Variants in CAMK2N2 observed in about 807,000 individuals in gnomAD.
CAMK2N2 encodes the protein calcium/calmodulin dependent protein kinase II inhibitor 2, also known as calcium/calmodulin-dependent protein kinase II inhibitor 2.
Under a neutral mutation model 7.8 loss-of-function variants are expected in CAMK2N2, and 3 were observed. The observed-to-expected ratio is 0.38, with a 90% CI of 0.18 to 0.99. CAMK2N2 has a LOEUF of 0.99. Among genes scored for constraint, CAMK2N2 ranks in the 50% least tolerant of loss-of-function variants. The pLI, the probability that CAMK2N2 is intolerant of heterozygous loss-of-function variation, is 0.37. For missense variants in CAMK2N2, 85 were observed against 108.4 expected (o/e 0.78, Z 0.96); for synonymous variants, 45 against 46.6 (o/e 0.97, Z 0.14).
In CAMK2N2 at chr3:184,261,099, C is replaced by CGGGCCCGGGCCGCGTACCTCGCT; in HGVS notation, c.164_169+17dup. Reference sequence around the variant, plus strand: ...GGGTTTCTGGGTCAGGCGGCGACTCCGGGCCCGGGCCGCGTACCTCGCTTG... The same window carrying CGGGCCCGGGCCGCGTACCTCGCT: ...GGGTTTCTGGGTCAGGCGGCGACTCCGGGCCCGGGCCGCGTACCTCGCTGGGCCCGGGCCGCGTACCTCGCTTG... On this transcript the variant is annotated intron_variant, in intron 1 of 1. Coordinates refer to ENST00000296238, the MANE Select transcript of CAMK2N2 (RefSeq NM_033259.3). This position sits in a 1 kb window ranked among gnomAD's most constrained non-coding sequence, Gnocchi z 5.1. The CGGGCCCGGGCCGCGTACCTCGCT allele has an allele frequency of 6.3e-7, 1 of 1,588,012 alleles. No homozygotes were observed.
Position 184,260,338 on chromosome 3 carries a change from C to T in CAMK2N2, c.170-111G>A. Reference sequence around the variant, plus strand: ...GCTACTGCCCGTGGCCCAGCGACGCCCCTCGGAACCCTGTGCCGCGGTGTC... The same window carrying T: ...GCTACTGCCCGTGGCCCAGCGACGCTCCTCGGAACCCTGTGCCGCGGTGTC... On this transcript the variant is annotated intron_variant, in intron 1 of 1. Coordinates refer to ENST00000296238, the MANE Select transcript of CAMK2N2 (RefSeq NM_033259.3). This position sits in a 1 kb window ranked among gnomAD's most constrained non-coding sequence, Gnocchi z 6.6. 1 of 959,306 alleles carries T rather than the reference C, an allele frequency of 1.0e-6. No individual in the cohort carries two copies. Among genetic ancestry groups the T allele is most frequent in the Non-Finnish European group, 1.5e-6 (1 of 653,380 alleles). The allele number at this position is 959,306 out of a possible 1,614,324, so 59.4% of individuals were successfully genotyped here. A position where few individuals can be genotyped will look rare whatever the true frequency, so the allele number is the denominator to read the frequency against.
At position 184,260,166 on chromosome 3, in the gene CAMK2N2, G is replaced by A. The variant is rs369677919; in HGVS notation, c.231C>T (p.Ser77=). Residue 77 remains serine, a synonymous_variant, in exon 2 of 2, where the codon TCC becomes TCT. Transcript: ENST00000296238. This position sits in a 1 kb window ranked among gnomAD's most constrained non-coding sequence, Gnocchi z 6.6. The part of the protein sequence containing the change: ...VLKGMGEKPP[S]GV ...GCCCGAGCCGGCGCGTCTACACTCC[G>A]GACGGCGGCTTCTCCCCCATCCCCT... The A allele has an allele frequency of 2.5e-6, 4 of 1,599,692 alleles. No homozygotes were observed. The African/African-American group carries it at 4.0e-5, about 16-fold the overall frequency.
In CAMK2N2 at chr3:184,260,087, C is replaced by G; in HGVS notation, c.*70G>C. ...GGCCGGGGCGGGGGGGCGCCGGCAG[C>G]CGCATCGCCGGCCCGCGCTCCTGGC... On this transcript the variant is annotated 3_prime_UTR_variant, in exon 2 of 2. Transcript: ENST00000296238. This position sits in a 1 kb window ranked among gnomAD's most constrained non-coding sequence, Gnocchi z 6.6. The G allele has an allele frequency of 1.1e-6, 1 of 898,992 alleles. No individual in the cohort carries two copies. The highest frequency in any genetic ancestry group is 1.3e-6 in the Non-Finnish European group (1 of 745,492). The allele number at this position is 898,992 out of a possible 1,614,324, so 55.7% of individuals were successfully genotyped here.
rs568376138 is a variant in CAMK2N2 at position 184,260,031 on chromosome 3, C to T, written c.*126G>A. 7 of 291,386 alleles carry T rather than the reference C, an allele frequency of 2.4e-5. No individual in the cohort carries two copies. The highest frequency in any genetic ancestry group is 3.5e-5 in the Non-Finnish European group (7 of 200,384). The allele number at this position is 291,386 out of a possible 1,614,324, so 18.1% of individuals were successfully genotyped here. A position where few individuals can be genotyped will look rare whatever the true frequency, so the allele number is the denominator to read the frequency against. ...GGAGTGCCTGGCGGCGGCGGCGGCA[C>T]GGCCCTGCAGCCCCCGCCCGCGGGC... is the stretch of plus-strand genomic sequence containing the variant. On this transcript the variant is annotated 3_prime_UTR_variant, in exon 2 of 2. Coordinates refer to ENST00000296238, the MANE Select transcript of CAMK2N2 (RefSeq NM_033259.3). The surrounding 1 kb of genome is among the most constrained non-coding windows in gnomAD (Gnocchi z 6.6).
chr3:184,260,974 C>T lies in CAMK2N2; in HGVS notation c.169+143G>A, dbSNP rs34760579. ...GGGGGACACACACTGCAGCGGGGAC[C>T]CCCCCCTCCAGCCCGGGCTGGAGAG... On this transcript the variant is annotated intron_variant, in intron 1 of 1. Transcript: ENST00000296238. This position sits in a 1 kb window ranked among gnomAD's most constrained non-coding sequence, Gnocchi z 6.6. The T allele has an allele frequency of 1.8e-4, 148 of 843,418 alleles. No individual in the cohort carries two copies. Among genetic ancestry groups the T allele is most frequent in the Non-Finnish European group, 2.4e-4 (139 of 581,802 alleles). 52.2% of individuals were successfully genotyped at this position (843,418 alleles called of 1,614,324 possible).
chr3:184,261,421 G>T lies in CAMK2N2; in HGVS notation c.-136C>A. ...GTCATGCAGCATCCGGGGCTGAGGA[G>T]CCAAGCGGGGCCTCCTCCCCCGCGC... On this transcript the variant is annotated 5_prime_UTR_variant, in exon 1 of 2. Coordinates refer to ENST00000296238, the MANE Select transcript of CAMK2N2 (RefSeq NM_033259.3). The surrounding 1 kb of genome is among the most constrained non-coding windows in gnomAD (Gnocchi z 5.1). 1.6e-6 allele frequency: 1 copy of T among 630,010 alleles called. No individual in the cohort carries two copies. Among genetic ancestry groups the T allele is most frequent in the Non-Finnish European group, 2.2e-6 (1 of 451,230 alleles). 39.0% of individuals were successfully genotyped at this position (630,010 alleles called of 1,614,324 possible). A position where few individuals can be genotyped will look rare whatever the true frequency, so the allele number is the denominator to read the frequency against.
rs1401302432 is a variant in CAMK2N2, at chr3:184,260,058, C to G, written c.*99G>C. The G allele has an allele frequency of 1.6e-5, 10 of 610,710 alleles. No homozygotes were observed. Among genetic ancestry groups the G allele is most frequent in the Non-Finnish European group, 2.0e-5 (10 of 490,790 alleles). The allele number at this position is 610,710 out of a possible 1,614,324, so 37.8% of individuals were successfully genotyped here. ...GCCCTGCAGCCCCCGCCCGCGGGCG[C>G]CTGGGCCGGGGCGGGGGGGCGCCGG... On this transcript the variant is annotated 3_prime_UTR_variant, in exon 2 of 2. Coordinates refer to ENST00000296238, the MANE Select transcript of CAMK2N2 (RefSeq NM_033259.3). The surrounding 1 kb of genome is among the most constrained non-coding windows in gnomAD (Gnocchi z 6.6).
rs1719967526 is a variant in CAMK2N2, at chr3:184,259,798, G to C, written c.*359C>G. 2 of 136,824 alleles carry C rather than the reference G, an allele frequency of 1.5e-5. No individual in the cohort carries two copies. Among genetic ancestry groups the C allele is most frequent in the South Asian group, 2.7e-4 (1 of 3,724 alleles). 8.5% of individuals were successfully genotyped at this position (136,824 alleles called of 1,614,324 possible). On this transcript the variant is annotated 3_prime_UTR_variant, in exon 2 of 2. Transcript: ENST00000296238. ...GACACCGGCGGCCGCCCGGTCTGCA[G>C]ACCAGACTGGCCGGAGGGGGGCGGG... is the stretch of plus-strand genomic sequence containing the variant.
At position 184,259,511 on chromosome 3, in the gene CAMK2N2, C is replaced by T. The variant is rs1245518399; in HGVS notation, c.*646G>A. The stretch of plus-strand genomic sequence containing the variant: ...AACCGTGTCGGGGGCTTGTCTCATC[C>T]CAGCCTCAACACCCATCCTATCTGC... On this transcript the variant is annotated 3_prime_UTR_variant, in exon 2 of 2. Coordinates refer to ENST00000296238, the MANE Select transcript of CAMK2N2 (RefSeq NM_033259.3). The T allele has an allele frequency of 6.5e-6, 1 of 152,794 alleles. No individual in the cohort carries two copies. Among genetic ancestry groups the T allele is most frequent in the Non-Finnish European group, 1.5e-5 (1 of 68,170 alleles). The allele number at this position is 152,794 out of a possible 1,614,324, so 9.5% of individuals were successfully genotyped here.
rs915736556 is a variant in CAMK2N2 at position 184,261,099 on chromosome 3, C to T, written c.169+18G>A. 3 of 1,588,012 alleles carry T rather than the reference C, an allele frequency of 1.9e-6. No homozygotes were observed. The highest frequency in any genetic ancestry group is 2.4e-5 in the East Asian group (1 of 42,342). On this transcript the variant is annotated intron_variant, in intron 1 of 1. Transcript: ENST00000296238. This position sits in a 1 kb window ranked among gnomAD's most constrained non-coding sequence, Gnocchi z 5.1. ...GGGTTTCTGGGTCAGGCGGCGACTCCGGGCCCGGGCCGCGTACCTCGCTTG... is the reference window on the plus strand; with the variant it reads ...GGGTTTCTGGGTCAGGCGGCGACTCTGGGCCCGGGCCGCGTACCTCGCTTG...
rs1392944754 is a variant in CAMK2N2 at position 184,261,508 on chromosome 3, C to CGGGGGCG, written c.-230_-224dup. On this transcript the variant is annotated 5_prime_UTR_variant, in exon 1 of 2. Coordinates refer to ENST00000296238, the MANE Select transcript of CAMK2N2 (RefSeq NM_033259.3). This position sits in a 1 kb window ranked among gnomAD's most constrained non-coding sequence, Gnocchi z 5.1. The stretch of plus-strand genomic sequence containing the variant: ...GGCGGTGGCGGGGACCGGGCGGGGG[C>CGGGGGCG]GGGGGCGGGGGGCGGGGGTGGCGGC... 8.8e-5 allele frequency: 3 copies of CGGGGGCG among 33,960 alleles called. No individual in the cohort carries two copies. Among genetic ancestry groups the CGGGGGCG allele is most frequent in the East Asian group, 1.3e-3 (2 of 1,562 alleles). 2.1% of individuals were successfully genotyped at this position (33,960 alleles called of 1,614,324 possible).
chr3:184,260,130 C>G lies in CAMK2N2; in HGVS notation c.*27G>C. On this transcript the variant is annotated 3_prime_UTR_variant, in exon 2 of 2. Coordinates refer to ENST00000296238, the MANE Select transcript of CAMK2N2 (RefSeq NM_033259.3). The surrounding 1 kb of genome is among the most constrained non-coding windows in gnomAD (Gnocchi z 6.6). ...CTCCTGGCCGCTGCGAGGCTGGGCC[C>G]GGAGCCCGCCGCCCGAGCCGGCGCG... 1.4e-6 allele frequency: 2 copies of G among 1,472,448 alleles called. No individual in the cohort carries two copies. Among genetic ancestry groups the G allele is most frequent in the Middle Eastern group, 1.8e-4 (1 of 5,470 alleles). 91.2% of individuals were successfully genotyped at this position (1,472,448 alleles called of 1,614,324 possible).
At position 184,260,922 on chromosome 3, in the gene CAMK2N2, G is replaced by A. The variant is rs1197084029; in HGVS notation, c.169+195C>T. ...AGAGGTGGCGAGCATCGAATCCGGG[G>A]CACCGTGTTCCCGGGAGAAGGGAAG... is the stretch of plus-strand genomic sequence containing the variant. On this transcript the variant is annotated intron_variant, in intron 1 of 1. Transcript: ENST00000296238. This position sits in a 1 kb window ranked among gnomAD's most constrained non-coding sequence, Gnocchi z 6.6. Among the ~76,000 whole-genome samples the A allele has an allele frequency of 6.6e-6, 1 of 152,206 alleles. No individual in the cohort carries two copies. The highest frequency in any genetic ancestry group is 1.5e-5 in the Non-Finnish European group (1 of 68,034).
Position 184,261,077 on chromosome 3 carries a change from T to C in CAMK2N2, c.169+40A>G. 6.8e-7 allele frequency: 1 copy of C among 1,479,556 alleles called. No individual in the cohort carries two copies. 91.7% of individuals were successfully genotyped at this position (1,479,556 alleles called of 1,614,324 possible). ...CAGCCGGGGGGCGCCCGGCGGAGGG[T>C]TTCTGGGTCAGGCGGCGACTCCGGG... On this transcript the variant is annotated intron_variant, in intron 1 of 1. Transcript: ENST00000296238. This position sits in a 1 kb window ranked among gnomAD's most constrained non-coding sequence, Gnocchi z 5.1.
At position 184,259,476 on chromosome 3, in the gene CAMK2N2, T is replaced by G. The variant is rs753231131; in HGVS notation, c.*681A>C. 6.6e-6 allele frequency: 1 copy of G among 152,630 alleles called. No homozygotes were observed. The highest frequency in any genetic ancestry group is 1.5e-5 in the Non-Finnish European group (1 of 68,094). 9.5% of individuals were successfully genotyped at this position (152,630 alleles called of 1,614,324 possible). ...GGGTCAGGCCTGGGCAGACTGGCCATGTGGTTGGTAACCGTGTCGGGGGCT... is the reference window on the plus strand; with the variant it reads ...GGGTCAGGCCTGGGCAGACTGGCCAGGTGGTTGGTAACCGTGTCGGGGGCT... On this transcript the variant is annotated 3_prime_UTR_variant, in exon 2 of 2. Transcript: ENST00000296238.
At position 184,260,835 on chromosome 3, in the gene CAMK2N2, G is replaced by C. The variant is rs1227551786; in HGVS notation, c.169+282C>G. 1.3e-5 allele frequency among the ~76,000 whole-genome samples: 2 copies of C among 152,132 alleles called. No homozygotes were observed. The highest frequency in any genetic ancestry group is 1.3e-4 in the Admixed American group (2 of 15,274). On this transcript the variant is annotated intron_variant, in intron 1 of 1. Coordinates refer to ENST00000296238, the MANE Select transcript of CAMK2N2 (RefSeq NM_033259.3). The surrounding 1 kb of genome is among the most constrained non-coding windows in gnomAD (Gnocchi z 6.6). ...CCCGTTACCCCGTGCTCCCACTTCC[G>C]TGCAGCCCCAAATGCCCCGACCGGC...
In CAMK2N2 at chr3:184,259,515, C is replaced by G. The variant is rs958720023; in HGVS notation, c.*642G>C. 9.2e-5 allele frequency: 14 copies of G among 152,902 alleles called. No homozygotes were observed. Among genetic ancestry groups the G allele is most frequent in the African/African-American group, 3.4e-4 (14 of 41,584 alleles). 9.5% of individuals were successfully genotyped at this position (152,902 alleles called of 1,614,324 possible). ...GTGTCGGGGGCTTGTCTCATCCCAGCCTCAACACCCATCCTATCTGCCAGG... is the reference window on the plus strand; with the variant it reads ...GTGTCGGGGGCTTGTCTCATCCCAGGCTCAACACCCATCCTATCTGCCAGG... On this transcript the variant is annotated 3_prime_UTR_variant, in exon 2 of 2. Transcript: ENST00000296238.
At position 184,260,966 on chromosome 3, in the gene CAMK2N2, G is replaced by A. The variant is rs1577122067; in HGVS notation, c.169+151C>T. The A allele has an allele frequency of 1.3e-6, 1 of 796,990 alleles. No individual in the cohort carries two copies. The highest frequency in any genetic ancestry group is 3.2e-5 in the East Asian group (1 of 31,298). The allele number at this position is 796,990 out of a possible 1,614,324, so 49.4% of individuals were successfully genotyped here. ...AGGGAAGAGGGGGACACACACTGCA[G>A]CGGGGACCCCCCCCTCCAGCCCGGG... On this transcript the variant is annotated intron_variant, in intron 1 of 1. Coordinates refer to ENST00000296238, the MANE Select transcript of CAMK2N2 (RefSeq NM_033259.3). The surrounding 1 kb of genome is among the most constrained non-coding windows in gnomAD (Gnocchi z 6.6).
Position 184,259,663 on chromosome 3 carries a change from G to C in CAMK2N2, c.*494C>G, listed in dbSNP as rs2108453138. ...GTCCCTTAGAAAGAGGCTGAGGCTG[G>C]GGTCACGCCAGACAGGGGTGGGGGC... On this transcript the variant is annotated 3_prime_UTR_variant, in exon 2 of 2. Coordinates refer to ENST00000296238, the MANE Select transcript of CAMK2N2 (RefSeq NM_033259.3). 6.5e-6 allele frequency: 1 copy of C among 152,934 alleles called. No homozygotes were observed. Among genetic ancestry groups the C allele is most frequent in the African/African-American group, 2.4e-5 (1 of 41,586 alleles). 9.5% of individuals were successfully genotyped at this position (152,934 alleles called of 1,614,324 possible). A position where few individuals can be genotyped will look rare whatever the true frequency, so the allele number is the denominator to read the frequency against.
Sources: gnomAD v4.1 joint callset for allele counts (sites outside exome capture counted in the v4.1 genomes callset) on GRCh38, gnomAD v4.1.1 for gene constraint, Gnocchi (gnomAD v3.1) non-coding constraint, MANE v1.5 for transcripts, NCBI Gene and HGNC (gene_info 2026-07-23, HGNC 2026-07-21) for gene names.